ZUP1: variants seen among roughly 807,000 people sequenced by gnomAD.
The protein encoded by ZUP1 is zinc finger containing ubiquitin peptidase 1.
ZUP1 carries 55 observed loss-of-function variants against 68.1 expected under a neutral mutation model. The observed-to-expected ratio is 0.81, with a 90% CI of 0.65 to 1.01. The LOEUF is 1.01. ZUP1 is among the 50% of genes least tolerant of loss of function. The pLI, the probability that ZUP1 is intolerant of heterozygous loss-of-function variation, is 0.00. For synonymous variants in ZUP1, 223 were observed against 221.5 expected (o/e 1.01, Z -0.06); for missense variants, 684 against 674.9 (o/e 1.01, Z -0.15).
chr6:116,660,853 C>A lies in ZUP1; in HGVS notation c.560-7G>T. The A allele has an allele frequency of 7.2e-7, 1 of 1,387,312 alleles. No homozygotes were observed. The highest frequency in any genetic ancestry group is 1.3e-5 in the South Asian group (1 of 76,446). The allele number at this position is 1,387,312 out of a possible 1,614,324, so 85.9% of individuals were successfully genotyped here. The stretch of plus-strand genomic sequence containing the variant: ...TAGAGTGGTTGATCACAGTCTGTAT[C>A]AGAGATATAATTAAGTTGTTTTTAT... On this transcript the variant is annotated splice_region_variant and splice_polypyrimidine_tract_variant and intron_variant, in intron 2 of 9. Transcript: ENST00000368576.
At chr6:116,648,782 C>T (rs1016962090) in intron 7 of ZUP1, among the ~76,000 whole-genome samples, 8 of 150,862 alleles carry the variant, frequency 5.3e-5, no homozygotes, top group Non-Finnish European at 8.9e-5. Flanking sequence ...GACAACATGG[C>T]GAAACCCCAT....
intron 9 of ZUP1, 125 bp downstream of exon 9, chr6:116,645,589 A>T: frequency 1.4e-6 from 1 of 738,046 alleles, no homozygotes; most frequent in South Asian, 2.2e-5. Context: ...TCTCCAAAAA[A>T]AAAAAAAAAA....
intron 2 of ZUP1, among the ~76,000 whole-genome samples, chr6:116,665,754 G>GGTT (rs1554252705): frequency 7.8e-6 from 1 of 127,430 alleles, no homozygotes; most frequent in Admixed American, 8.0e-5. Flanking sequence ...TAGTTTTTTG[G>GGTT]TTTTTTTTTT....
intron 9 of ZUP1, 84 bp downstream of exon 9, chr6:116,645,630 T>C (rs1308543642): frequency 3.9e-5 from 39 of 1,007,336 alleles, no homozygotes; most frequent in Non-Finnish European, 5.3e-5. Context: ...AAGAAAAAAG[T>C]GATAACACTG....
At chr6:116,639,763 C>T (rs555838924) in intron 9 of ZUP1, among the ~76,000 whole-genome samples, 122 of 152,302 alleles carry the variant, frequency 8.0e-4, no homozygotes, top group African/African-American at 2.7e-3. Context: ...AAACTGGAAA[C>T]TCTAAAAAGC....
chr6:116,638,718 G>C (rs1053229250), intron 9 of ZUP1, among the ~76,000 whole-genome samples: 8 of 152,178 alleles, frequency 5.3e-5, no homozygotes, highest in Admixed American at 5.2e-4. Flanking sequence ...CAAGATGGCC[G>C]AATAGGAACA....
chr6:116,647,507 G>A lies in ZUP1; in HGVS notation c.1420C>T (p.Pro474Ser). 6.3e-7 allele frequency: 1 copy of A among 1,597,478 alleles called. No individual in the cohort carries two copies. The highest frequency in any genetic ancestry group is 8.6e-7 in the Non-Finnish European group (1 of 1,168,784). Residue 474 changes from proline (P) to serine (S), a missense_variant, in exon 8 of 10, where the codon CCA (proline) becomes TCA (serine). Physicochemically the swap from Pro to Ser is moderately conservative, Grantham distance 74 (BLOSUM62 -1). Coordinates refer to ENST00000368576, the MANE Select transcript of ZUP1 (RefSeq NM_145062.3). ...NYYSSEGEGS[P>S]KVVCTSKPPI... ...GGTTTAGATGTACACACTACCTTTG[G>A]ACTCCCTTCTCCCTCTGAAGAATAA... is the stretch of plus-strand genomic sequence containing the variant.
At chr6:116,649,073 G>C (rs1776400896) in intron 7 of ZUP1, among the ~76,000 whole-genome samples, 1 of 151,720 alleles carries the variant, frequency 6.6e-6, no homozygotes, top group Admixed American at 6.6e-5. Flanking sequence ...TTGGCAAAAA[G>C]AAAAAGGAGA....
At chr6:116,667,531 A>G (rs2114305825) in intron 1 of ZUP1, among the ~76,000 whole-genome samples, 2 of 152,314 alleles carry the variant, frequency 1.3e-5, no homozygotes, top group South Asian at 4.1e-4. Flanking sequence ...AAAAAAATGA[A>G]GAGAAGAAAC....
At chr6:116,654,945 TAAC>T (rs1252302201) in intron 5 of ZUP1, among the ~76,000 whole-genome samples, 1 of 152,140 alleles carries the variant, frequency 6.6e-6, no homozygotes, top group Non-Finnish European at 1.5e-5. Flanking sequence ...ATAATAACCT[TAAC>T]AACGTTGAAG....
intron 7 of ZUP1, among the ~76,000 whole-genome samples, chr6:116,650,636 A>C (rs1371812964): frequency 6.6e-6 from 1 of 152,150 alleles, no homozygotes; most frequent in Non-Finnish European, 1.5e-5. Flanking sequence ...AGTACAGACA[A>C]GTTCATTCAT....
chr6:116,659,379 C>T (rs1308934376), intron 3 of ZUP1, among the ~76,000 whole-genome samples: 1 of 152,170 alleles, frequency 6.6e-6, no homozygotes, highest in Non-Finnish European at 1.5e-5. Flanking sequence ...ATCCACCAGC[C>T]TCGGCCTCCC....
Position 116,652,149 on chromosome 6 carries a change from T to G in ZUP1, c.1005A>C (p.Thr335=). ...ALHRYYQNAA[T]DVRRVWLSSV... is the part of the protein sequence containing the mutation. ...AAGAAAGCCACACCCGTCTCACATCTGTGGCAGCATTCTGATAATACCTAT... is the reference window on the plus strand; with the variant it reads ...AAGAAAGCCACACCCGTCTCACATCGGTGGCAGCATTCTGATAATACCTAT... Residue 335 remains threonine, a synonymous_variant, in exon 6 of 10, where the codon ACA becomes ACC. Transcript: ENST00000368576. 1 of 1,613,982 alleles carries G rather than the reference T, an allele frequency of 6.2e-7. No homozygotes were observed. The highest frequency in any genetic ancestry group is 8.5e-7 in the Non-Finnish European group (1 of 1,179,886).
At chr6:116,640,118 C>T (rs748318624) in intron 9 of ZUP1, among the ~76,000 whole-genome samples, 158 of 151,694 alleles carry the variant, frequency 1.0e-3, no homozygotes, top group Middle Eastern at 3.4e-3. Context: ...TGAAATGAAG[C>T]GAGAAGGGAA....
chr6:116,660,534 G>T (rs1422518306), intron 3 of ZUP1, among the ~76,000 whole-genome samples: 1 of 152,156 alleles, frequency 6.6e-6, no homozygotes, highest in Non-Finnish European at 1.5e-5. Context: ...CAGTTTTCTA[G>T]TTCAACAATT....
chr6:116,636,191 G>T (rs1331775846), intron 9 of ZUP1, among the ~76,000 whole-genome samples: 1 of 152,068 alleles, frequency 6.6e-6, no homozygotes, highest in African/African-American at 2.4e-5. Flanking sequence ...ACAGAGAGGA[G>T]GCTAGAGGAA....
At position 116,666,862 on chromosome 6, in the gene ZUP1, T is replaced by C. The variant is rs1415254881; in HGVS notation, c.331A>G (p.Ser111Gly). 6.2e-7 allele frequency: 1 copy of C among 1,610,062 alleles called. No individual in the cohort carries two copies. Among genetic ancestry groups the C allele is most frequent in the African/African-American group, 1.3e-5 (1 of 74,676 alleles). Residue 111 changes from serine to glycine, a missense_variant, in exon 2 of 10, where the codon AGT becomes GGT. Coordinates refer to ENST00000368576, the MANE Select transcript of ZUP1 (RefSeq NM_145062.3). Reference protein sequence around the residue: ...KNSAQNLTKDSTLKHEGFYSE... With the variant: ...KNSAQNLTKDGTLKHEGFYSE... ...TAGAAGCCTTCATGTTTTAAAGTAC[T>C]ATCTTTAGTCAGGTTTTGAGCTGAA...
intron 9 of ZUP1, among the ~76,000 whole-genome samples, chr6:116,638,647 C>T (rs1487520292): frequency 1.3e-5 from 2 of 152,178 alleles, no homozygotes; most frequent in East Asian, 1.9e-4. Context: ...CATTATTCAT[C>T]GCTCACCTGA....
intron 2 of ZUP1, among the ~76,000 whole-genome samples, chr6:116,662,343 C>T (rs768956834): frequency 4.6e-5 from 7 of 152,120 alleles, no homozygotes; most frequent in African/African-American, 1.7e-4. Context: ...GATAACCAAC[C>T]TTCCTCAACA....
Sources: allele counts gnomAD v4.1 joint callset (sites outside exome capture counted in the v4.1 genomes callset), GRCh38; gene constraint gnomAD v4.1.1; transcripts MANE v1.5; gene names NCBI Gene and HGNC (gene_info 2026-07-23, HGNC 2026-07-21).